Variants in ZNF423 observed in about 807,000 individuals in gnomAD.
ZNF423 encodes Ebf-associated zinc finger protein.
In ZNF423, 12 loss-of-function variants were observed where a neutral mutation model predicts 95.8. The ratio of observed to expected loss-of-function variants is 0.13; its 90% CI spans 0.08 to 0.20. The LOEUF (loss-of-function observed/expected upper bound fraction) is 0.20, where lower values mean the gene tolerates loss of function less well. ZNF423 is among the 10% of genes least tolerant of loss of function. The probability of loss-of-function intolerance (pLI) is 1.00; values close to 1 mark genes in which losing one functional copy is unlikely to be tolerated. For missense variants in ZNF423, 1,316 were observed against 1,737.1 expected (o/e 0.76, Z 4.31); for synonymous variants, 749 against 711.9 (o/e 1.05, Z -0.83).
At chr16:49,700,780 T>C (rs757547101) in intron 3 of ZNF423, among the ~76,000 whole-genome samples, 2 of 152,258 alleles carry the variant, frequency 1.3e-5, no homozygotes, top group Non-Finnish European at 1.5e-5. Context: ...CCCCCTCTGC[T>C]GGGCCCACGG....
rs2033154828 is a variant in ZNF423 at position 49,731,043 on chromosome 16, G to T, written c.101-72C>A. The T allele has an allele frequency of 2.0e-6, 3 of 1,523,828 alleles. No individual in the cohort carries two copies. In the Admixed American group the frequency reaches 5.2e-5, roughly 26 times the overall value. 94.4% of individuals were successfully genotyped at this position (1,523,828 alleles called of 1,614,324 possible). A position where few individuals can be genotyped will look rare whatever the true frequency, so the allele number is the denominator to read the frequency against. ...GAAAGGGTTTTAAAAGAATCGCCCGGCATTTATTAAGATACATTTAATTAC... is the reference window on the plus strand; with the variant it reads ...GAAAGGGTTTTAAAAGAATCGCCCGTCATTTATTAAGATACATTTAATTAC... On this transcript the variant is annotated intron_variant, in intron 2 of 7. Transcript: ENST00000563137.
chr16:49,593,572 G>A (rs1971086543), intron 5 of ZNF423, among the ~76,000 whole-genome samples: 1 of 152,108 alleles, frequency 6.6e-6, no homozygotes, highest in Non-Finnish European at 1.5e-5. Flanking sequence ...TGGGATTGTA[G>A]CACCTCCCAC....
chr16:49,668,793 G>A (rs1195543090), intron 3 of ZNF423, among the ~76,000 whole-genome samples: 1 of 152,198 alleles, frequency 6.6e-6, no homozygotes, highest in Non-Finnish European at 1.5e-5. Context: ...GGGCAGGGAG[G>A]TAAGCACATG....
At chr16:49,626,310 A>G in intron 4 of ZNF423, 56 bp from the exon 5 acceptor site, 1 of 1,571,618 alleles carries the variant, frequency 6.4e-7, no homozygotes, top group Admixed American at 1.7e-5. Context: ...GAAAAAGGAG[A>G]AAGCAAAAGT....
At chr16:49,762,537 C>T (rs1463785273) in intron 2 of ZNF423, among the ~76,000 whole-genome samples, 1 of 152,196 alleles carries the variant, frequency 6.6e-6, no homozygotes, top group Non-Finnish European at 1.5e-5. Flanking sequence ...TGAGGTCAAG[C>T]AATTTGATGA....
At chr16:49,737,123 A>G (rs535850011) in intron 2 of ZNF423, among the ~76,000 whole-genome samples, 3 of 152,094 alleles carry the variant, frequency 2.0e-5, no homozygotes, top group South Asian at 2.1e-4. Flanking sequence ...GGTACAATGG[A>G]TATCCCCATT....
At chr16:49,820,073 C>G (rs145524806) in intron 1 of ZNF423, among the ~76,000 whole-genome samples, 17 of 141,730 alleles carry the variant, frequency 1.2e-4, no homozygotes, top group African/African-American at 4.1e-4. Context: ...TGGATGGATG[C>G]ATGGATGGAT....
intron 5 of ZNF423, among the ~76,000 whole-genome samples, chr16:49,541,012 AG>A (rs1335633634): frequency 6.6e-6 from 1 of 152,220 alleles, no homozygotes; most frequent in Non-Finnish European, 1.5e-5. Context: ...TGCCAAGAGC[AG>A]GATGTCCTCA....
chr16:49,538,217 C>T lies in ZNF423; in HGVS notation c.3602-12723G>A, dbSNP rs368045344. ...AGTGGGGGTGGAGGCCACCTCCACA[C>T]AGCCTCCAACTCTCCAGCGAGGTGC... On this transcript the variant is annotated intron_variant, in intron 5 of 7. Transcript: ENST00000563137. 1.1e-4 allele frequency among the ~76,000 whole-genome samples: 17 copies of T among 152,308 alleles called. No homozygotes were observed. The East Asian group carries it at 3.1e-3, about 28-fold the overall frequency.
At chr16:49,827,880 G>A (rs745541317) in intron 1 of ZNF423, among the ~76,000 whole-genome samples, 3 of 151,994 alleles carry the variant, frequency 2.0e-5, no homozygotes, top group Admixed American at 6.6e-5. Flanking sequence ...GATTATAGGC[G>A]TGAGCCACCA....
intron 3 of ZNF423, among the ~76,000 whole-genome samples, chr16:49,700,210 AAAAAAAAC>A (rs1567298650): frequency 1.5e-5 from 2 of 135,514 alleles, no homozygotes; most frequent in South Asian, 2.5e-4. Flanking sequence ...AAAAAAAAAA[AAAAAAAAC>A]AAGAAGAAGA....
chr16:49,720,598 T>C (rs1198116442), intron 3 of ZNF423, among the ~76,000 whole-genome samples: 1 of 152,212 alleles, frequency 6.6e-6, no homozygotes, highest in Non-Finnish European at 1.5e-5. Context: ...CAAAAAAGGT[T>C]TGAGGATATA....
chr16:49,781,774 T>A (rs1463757989), intron 2 of ZNF423, among the ~76,000 whole-genome samples: 1 of 152,180 alleles, frequency 6.6e-6, no homozygotes, highest in Non-Finnish European at 1.5e-5. Flanking sequence ...GCAGGGACCC[T>A]GACCATTCTC....
At chr16:49,513,744 G>A (rs79987647) in intron 7 of ZNF423, among the ~76,000 whole-genome samples, 2,773 of 152,166 alleles carry the variant, frequency 0.018, 78 homozygotes, top group African/African-American at 0.063. Flanking sequence ...TGGTGTAGAC[G>A]TAGTGACTTA....
chr16:49,827,342 A>T (rs2035015554), intron 1 of ZNF423, among the ~76,000 whole-genome samples: 1 of 151,876 alleles, frequency 6.6e-6, no homozygotes, highest in Non-Finnish European at 1.5e-5. Flanking sequence ...TCTCTGACAA[A>T]CTGTATACAT....
intron 7 of ZNF423, among the ~76,000 whole-genome samples, chr16:49,513,632 G>GGGATGGAT (rs200850664): frequency 0.011 from 1,470 of 135,288 alleles, 7 homozygotes; most frequent in African/African-American, 0.02. Context: ...AACACATATG[G>GGGATGGAT]GGATGGATGG....
chr16:49,573,084 T>C (rs188087576), intron 5 of ZNF423, among the ~76,000 whole-genome samples: 3 of 152,078 alleles, frequency 2.0e-5, no homozygotes, highest in African/African-American at 7.2e-5. Flanking sequence ...ACTTAAATAT[T>C]TGGATGGATA....
Position 49,557,900 on chromosome 16 carries a change from C to T in ZNF423, c.3602-32406G>A, listed in dbSNP as rs1969886216. Among the ~76,000 whole-genome samples, 3 of 152,244 alleles carry T rather than the reference C, an allele frequency of 2.0e-5. No individual in the cohort carries two copies. The South Asian group carries it at 6.2e-4, about 32-fold the overall frequency. On this transcript the variant is annotated intron_variant, in intron 5 of 7. Transcript: ENST00000563137. ...GCCAGATCTAGAGAAGGAGTCTGGG[C>T]CTGGGCACCTGGGGCCCCCAAAGCC...
chr16:49,792,003 A>T (rs2034422712), intron 1 of ZNF423, among the ~76,000 whole-genome samples: 1 of 125,308 alleles, frequency 8.0e-6, no homozygotes, highest in African/African-American at 3.3e-5. Context: ...ACTCCATCTC[A>T]AAAAAAAAAA....
Sources: gnomAD v4.1 joint callset for allele counts (sites outside exome capture counted in the v4.1 genomes callset) on GRCh38, gnomAD v4.1.1 for gene constraint, MANE v1.5 for transcripts, NCBI Gene and HGNC (gene_info 2026-07-23, HGNC 2026-07-21) for gene names.